The following TNRC6C variants were observed in gnomAD, a reference collection of about 807,000 sequenced individuals.
TNRC6C encodes the protein trinucleotide repeat-containing gene 6C protein.
Under a neutral mutation model 153.7 loss-of-function variants are expected in TNRC6C, and 20 were observed. That is an observed-to-expected ratio of 0.13 (90% CI 0.09 to 0.19). The LOEUF is 0.19. TNRC6C is among the 10% of genes least tolerant of loss of function. The pLI, the probability that TNRC6C is intolerant of heterozygous loss-of-function variation, is 1.00. For missense variants in TNRC6C, 1,987 were observed against 2,172.0 expected (o/e 0.91, Z 1.69); for synonymous variants, 811 against 841.4 (o/e 0.96, Z 0.63).
chr17:78,039,527 A>G (rs1230798386), intron 2 of TNRC6C, among the ~76,000 whole-genome samples: 1 of 152,204 alleles, frequency 6.6e-6, no homozygotes, highest in Admixed American at 6.5e-5. Flanking sequence ...ATATTCGATA[A>G]TGCTGATGTT....
At chr17:77,981,395 A>G (rs1017740144) in intron 1 of TNRC6C, among the ~76,000 whole-genome samples, 3 of 152,196 alleles carry the variant, frequency 2.0e-5, no homozygotes, top group South Asian at 2.1e-4. Context: ...CTTGGTGTTT[A>G]TGGAGACCAG....
chr17:78,048,893 G>T (rs1310545589), exon 3 of TNRC6C: 9 of 1,256,858 alleles, frequency 7.2e-6, no homozygotes, highest in South Asian at 3.6e-5. Context: ...TCCCACTGGG[G>T]ACAGCAGCCT....
chr17:78,050,024 G>T (rs1043292333), exon 3 of TNRC6C: 1 of 1,613,224 alleles, frequency 6.2e-7, no homozygotes, highest in Non-Finnish European at 8.5e-7. Flanking sequence ...AATGGCGTTG[G>T]TAATATCCAT....
intron 17 of TNRC6C, among the ~76,000 whole-genome samples, chr17:78,099,485 C>T (rs369004607): frequency 5.3e-5 from 8 of 152,132 alleles, no homozygotes; most frequent in Non-Finnish European, 8.8e-5. Context: ...TGGCAGCAGA[C>T]AAGAAGAGAG....
intron 1 of TNRC6C, 132 bp downstream of exon 3, chr17:78,005,211 A>G (rs760011302): frequency 3.7e-6 from 2 of 546,666 alleles, no homozygotes; most frequent in African/African-American, 2.0e-5. Flanking sequence ...ATTTTTTATT[A>G]TTCATTGTGA....
chr17:77,981,045 G>A (rs138061031), intron 1 of TNRC6C, among the ~76,000 whole-genome samples: 2 of 152,100 alleles, frequency 1.3e-5, no homozygotes, highest in East Asian at 3.9e-4. Context: ...GTGCAGTTAC[G>A]GCTCACTGCA....
At chr17:78,074,064 G>A (rs978495640) in intron 7 of TNRC6C, among the ~76,000 whole-genome samples, 10 of 152,162 alleles carry the variant, frequency 6.6e-5, no homozygotes, top group Non-Finnish European at 1.5e-5. Flanking sequence ...TTTAACTCGT[G>A]CCTACATGAA....
chr17:78,084,129 C>G (rs543155974), intron 11 of TNRC6C, among the ~76,000 whole-genome samples: 1 of 152,062 alleles, frequency 6.6e-6, no homozygotes, highest in East Asian at 1.9e-4. Flanking sequence ...ACTAAAAATA[C>G]AAAAATTAGC....
chr17:78,066,853 TG>T (rs2072889946), intron 4 of TNRC6C: 1 of 152,212 alleles, frequency 6.6e-6, no homozygotes, highest in Non-Finnish European at 1.5e-5. Flanking sequence ...ATGATCCAGC[TG>T]ACTGTCACGA....
At chr17:77,980,211 C>A (rs2071055253) in intron 1 of TNRC6C, among the ~76,000 whole-genome samples, 1 of 152,204 alleles carries the variant, frequency 6.6e-6, no homozygotes. Context: ...ATAGGTGCAG[C>A]AAACCACCAT....
chr17:78,022,810 A>G (rs1342153933), intron 1 of TNRC6C, among the ~76,000 whole-genome samples: 1 of 152,184 alleles, frequency 6.6e-6, no homozygotes, highest in African/African-American at 2.4e-5. Context: ...CATGGATTTA[A>G]CTAACTGTCA....
At chr17:78,053,566 T>G (rs1022457779) in intron 3 of TNRC6C, among the ~76,000 whole-genome samples, 4 of 151,376 alleles carry the variant, frequency 2.6e-5, no homozygotes, top group Non-Finnish European at 5.9e-5. Context: ...GAGGCGGAGG[T>G]TGCAGTGAGC....
chr17:78,085,758 T>C (rs961105135), intron 11 of TNRC6C, among the ~76,000 whole-genome samples: 1 of 152,098 alleles, frequency 6.6e-6, no homozygotes, highest in Non-Finnish European at 1.5e-5. Flanking sequence ...ATTGAATGAT[T>C]TGGGACAGTT....
intron 1 of TNRC6C, among the ~76,000 whole-genome samples, chr17:78,006,233 C>T (rs948809597): frequency 2.6e-5 from 4 of 152,140 alleles, no homozygotes; most frequent in East Asian, 1.9e-4. Flanking sequence ...AACCTCTAGA[C>T]TAGAGTCACA....
chr17:78,071,280 A>G, intron 6 of TNRC6C, 115 bp downstream of exon 8: 4 of 1,053,468 alleles, frequency 3.8e-6, no homozygotes, highest in African/African-American at 1.6e-5. Flanking sequence ...TGTTTGAGGA[A>G]TGAGATATTG....
In TNRC6C at chr17:78,104,548, C is replaced by G; in HGVS notation, c.4776C>G (p.Phe1592Leu). Reference sequence around the variant, plus strand: ...CTGGTGAAGAAGAAGTGAATCGCTTCTTAGCCCAAGGCCAGGCGCTGCCAC... The same window carrying G: ...CTGGTGAAGAAGAAGTGAATCGCTTGTTAGCCCAAGGCCAGGCGCTGCCAC... Residue 1592 changes from phenylalanine to leucine, a missense_variant, in exon 20 of 20, where the codon TTC becomes TTG. Phe to Leu is a conservative substitution (Grantham distance 22). Transcript: ENST00000301624. This position sits in a 1 kb window ranked among gnomAD's most constrained non-coding sequence, Gnocchi z 6.2. 1 of 1,549,314 alleles carries G rather than the reference C, an allele frequency of 6.5e-7. No individual in the cohort carries two copies. The highest frequency in any genetic ancestry group is 1.2e-5 in the South Asian group (1 of 84,092).
chr17:78,049,851 T>C lies in TNRC6C; in HGVS notation c.789T>C (p.Ser263=), dbSNP rs772704457. 1.9e-6 allele frequency: 3 copies of C among 1,613,878 alleles called. No individual in the cohort carries two copies. In the South Asian group the frequency reaches 3.3e-5, roughly 18 times the overall value. Residue 263 remains serine (S), a synonymous_variant, in exon 3 of 20, where the codon TCT becomes TCC. Coordinates refer to ENST00000301624, the Ensembl canonical transcript of TNRC6C. This position sits in a 1 kb window ranked among gnomAD's most constrained non-coding sequence, Gnocchi z 4.1. Reference sequence around the variant, plus strand: ...ACCCTGCCACAGGAAATAGCAATTCTGGGTTCAGTCAGGGGAATGGAGACA... The same window carrying C: ...ACCCTGCCACAGGAAATAGCAATTCCGGGTTCAGTCAGGGGAATGGAGACA...
At chr17:78,058,093 G>A (rs565740494) in intron 3 of TNRC6C, among the ~76,000 whole-genome samples, 4 of 152,228 alleles carry the variant, frequency 2.6e-5, no homozygotes, top group Non-Finnish European at 4.4e-5. Flanking sequence ...TCCAGAGGCC[G>A]CACTTGACAC....
chr17:78,083,663 T>C (rs956804416), intron 11 of TNRC6C, among the ~76,000 whole-genome samples: 1 of 152,250 alleles, frequency 6.6e-6, no homozygotes, highest in Admixed American at 6.5e-5. Context: ...TATACATAAA[T>C]ACTATTCTAG....
Sources: gnomAD v4.1 joint callset for allele counts (sites outside exome capture counted in the v4.1 genomes callset) on GRCh38, gnomAD v4.1.1 for gene constraint, Gnocchi (gnomAD v3.1) non-coding constraint, MANE v1.5 for transcripts, NCBI Gene and HGNC (gene_info 2026-07-23, HGNC 2026-07-21) for gene names.